SEMA3C: variants seen among roughly 807,000 people sequenced by gnomAD.
The protein encoded by SEMA3C is semaphorin-3C.
In SEMA3C, 47 loss-of-function variants were observed where a neutral mutation model predicts 89.4. The ratio of observed to expected loss-of-function variants is 0.53; its 90% CI spans 0.42 to 0.67. The LOEUF (loss-of-function observed/expected upper bound fraction) is 0.67. SEMA3C is among the 30% of genes least tolerant of loss of function. The pLI is 0.00. For synonymous variants in SEMA3C, 310 were observed against 320.2 expected (o/e 0.97, Z 0.34); for missense variants, 839 against 929.1 (o/e 0.90, Z 1.26).
At chr7:80,822,059 A>T (rs1376547296) in intron 4 of SEMA3C, among the ~76,000 whole-genome samples, 1 of 152,188 alleles carries the variant, frequency 6.6e-6, no homozygotes, top group Non-Finnish European at 1.5e-5. Context: ...TCTGACCTAG[A>T]CTACTGCAAT....
intron 11 of SEMA3C, among the ~76,000 whole-genome samples, chr7:80,791,658 G>C (rs1034872292): frequency 2.0e-5 from 3 of 152,116 alleles, no homozygotes; most frequent in African/African-American, 7.2e-5. Flanking sequence ...TAAAATCCTC[G>C]TGCTTCCAGA....
rs192115571 is a variant in SEMA3C, at chr7:80,868,724, G to A, written c.104-39979C>T. 3.3e-5 allele frequency among the ~76,000 whole-genome samples: 5 copies of A among 152,176 alleles called. No individual in the cohort carries two copies. The East Asian group carries it at 5.8e-4, about 18-fold the overall frequency. ...TTGTTTGGGGTAGGGGGAGGAGGGGGATTATAGTCTGGAGAAATTCCACAA... is the reference window on the plus strand; with the variant it reads ...TTGTTTGGGGTAGGGGGAGGAGGGGAATTATAGTCTGGAGAAATTCCACAA... On this transcript the variant is annotated intron_variant, in intron 2 of 17. Transcript: ENST00000265361.
chr7:80,877,777 T>C (rs1249221761), intron 2 of SEMA3C, among the ~76,000 whole-genome samples: 1 of 152,230 alleles, frequency 6.6e-6, no homozygotes, highest in African/African-American at 2.4e-5. Flanking sequence ...AAGGATTTTA[T>C]ATTTTTAATT....
intron 12 of SEMA3C, among the ~76,000 whole-genome samples, chr7:80,780,224 A>G (rs992252232): frequency 5.9e-5 from 9 of 152,224 alleles, no homozygotes; most frequent in African/African-American, 2.2e-4. Context: ...ATTGAATTGG[A>G]TTAAATTGTC....
chr7:80,878,084 T>TA (rs1286291438), intron 2 of SEMA3C, among the ~76,000 whole-genome samples: 1 of 151,880 alleles, frequency 6.6e-6, no homozygotes, highest in African/African-American at 2.4e-5. Flanking sequence ...TCCCATAGAA[T>TA]AAAAAAAATG....
chr7:80,765,208 T>G lies in SEMA3C; in HGVS notation c.1390A>C (p.Thr464Pro). The G allele has an allele frequency of 6.2e-7, 1 of 1,613,762 alleles. No individual in the cohort carries two copies. The highest frequency in any genetic ancestry group is 1.1e-5 in the South Asian group (1 of 91,050). Residue 464 changes from threonine (T) to proline (P), a missense_variant, in exon 13 of 18, where the codon ACT (threonine) becomes CCT (proline). Physicochemically the swap from Thr to Pro is conservative, Grantham distance 38. Coordinates refer to ENST00000265361, the MANE Select transcript of SEMA3C (RefSeq NM_006379.5). ...AGCTCGCCACTGACAGAGTTGTTAG[T>G]AGGAAGAACAACCACTTTTTGCACA... ...GTVQKVVVLPTNNSVSGELIL... is the reference protein window; with the variant it reads ...GTVQKVVVLPPNNSVSGELIL...
chr7:80,807,061 T>A (rs749158134), intron 6 of SEMA3C, among the ~76,000 whole-genome samples: 3 of 151,504 alleles, frequency 2.0e-5, no homozygotes, highest in Non-Finnish European at 4.4e-5. Flanking sequence ...AACAAAAATG[T>A]GTATGAAGGC....
intron 2 of SEMA3C, among the ~76,000 whole-genome samples, chr7:80,885,189 A>G (rs1415304226): frequency 6.6e-6 from 1 of 152,230 alleles, no homozygotes; most frequent in Admixed American, 6.5e-5. Context: ...GAAGCAGAGT[A>G]TCACCTGATG....
chr7:80,900,112 T>G (rs1020760428), intron 2 of SEMA3C, among the ~76,000 whole-genome samples: 4 of 151,928 alleles, frequency 2.6e-5, no homozygotes, highest in Admixed American at 6.6e-5. Flanking sequence ...TTACATTTAG[T>G]ATGTTTTTTT....
intron 2 of SEMA3C, among the ~76,000 whole-genome samples, chr7:80,898,259 G>T (rs1224738541): frequency 6.6e-6 from 1 of 152,060 alleles, no homozygotes; most frequent in African/African-American, 2.4e-5. Context: ...CCAGCTACTC[G>T]GGAGGCTGGG....
chr7:80,866,096 A>G (rs1477669275), intron 2 of SEMA3C, among the ~76,000 whole-genome samples: 1 of 152,236 alleles, frequency 6.6e-6, no homozygotes, highest in Non-Finnish European at 1.5e-5. Context: ...TTGTCTTATT[A>G]GAGCAGGATA....
At chr7:80,854,648 C>G (rs1057121850) in intron 2 of SEMA3C, among the ~76,000 whole-genome samples, 1 of 152,138 alleles carries the variant, frequency 6.6e-6, no homozygotes, top group African/African-American at 2.4e-5. Flanking sequence ...ACAAGACCTG[C>G]ATCCATTATA....
At chr7:80,799,973 G>A (rs2115655727) in intron 10 of SEMA3C, among the ~76,000 whole-genome samples, 1 of 151,804 alleles carries the variant, frequency 6.6e-6, no homozygotes, top group Admixed American at 6.6e-5. Context: ...TGAACATGGT[G>A]TAACCCCACC....
intron 2 of SEMA3C, among the ~76,000 whole-genome samples, chr7:80,844,058 T>C (rs1562902183): frequency 6.6e-6 from 1 of 152,158 alleles, no homozygotes; most frequent in African/African-American, 2.4e-5. Context: ...GAATCATGGG[T>C]ACCTTTCCCA....
intron 16 of SEMA3C, among the ~76,000 whole-genome samples, chr7:80,750,473 T>TATATATACATACACACACAC (rs869227686): frequency 3.6e-5 from 2 of 55,436 alleles, no homozygotes; most frequent in Non-Finnish European, 7.0e-5. Context: ...TATATATATA[T>TATATATACATACACACACAC]ACACACACAC....
intron 6 of SEMA3C, among the ~76,000 whole-genome samples, chr7:80,807,113 G>A (rs1415748640): frequency 6.6e-6 from 1 of 151,762 alleles, no homozygotes; most frequent in Admixed American, 6.6e-5. Context: ...AAAATTCTAA[G>A]AACATTTGTG....
At chr7:80,892,006 A>C (rs1458964606) in intron 2 of SEMA3C, among the ~76,000 whole-genome samples, 3 of 152,148 alleles carry the variant, frequency 2.0e-5, no homozygotes, top group Non-Finnish European at 4.4e-5. Context: ...TATCTTCCCC[A>C]AAAAATCTGA....
At chr7:80,799,160 C>T (rs1789137719) in intron 10 of SEMA3C, among the ~76,000 whole-genome samples, 1 of 152,132 alleles carries the variant, frequency 6.6e-6, no homozygotes, top group Non-Finnish European at 1.5e-5. Flanking sequence ...GAGTTAAACT[C>T]ATCCTTAAAG....
chr7:80,753,076 T>C (rs1017322297), intron 15 of SEMA3C, among the ~76,000 whole-genome samples: 6 of 152,170 alleles, frequency 3.9e-5, no homozygotes, highest in Non-Finnish European at 8.8e-5. Flanking sequence ...ATGTACACAA[T>C]GGACTGTAGA....
Sources: gnomAD v4.1 joint callset for allele counts (sites outside exome capture counted in the v4.1 genomes callset) on GRCh38, gnomAD v4.1.1 for gene constraint, MANE v1.5 for transcripts, NCBI Gene and HGNC (gene_info 2026-07-23, HGNC 2026-07-21) for gene names.